DTNA: variants seen among roughly 807,000 people sequenced by gnomAD.
The protein encoded by DTNA is dystrophin-related protein 3.
In DTNA, 43 loss-of-function variants were observed where a neutral mutation model predicts 100.7. That is an observed-to-expected ratio of 0.43 (90% CI 0.33 to 0.55). The LOEUF is 0.55. Among genes scored for constraint, DTNA ranks in the 20% least tolerant of loss-of-function variants. DTNA has a pLI of 0.04. For missense variants in DTNA, 798 were observed against 953.9 expected (o/e 0.84, Z 2.15); for synonymous variants, 349 against 347.9 (o/e 1.00, Z -0.04).
chr18:34,566,157 G>A (rs1185286358), intron 1 of DTNA, among the ~76,000 whole-genome samples: 1 of 152,114 alleles, frequency 6.6e-6, no homozygotes, highest in East Asian at 1.9e-4. Flanking sequence ...AAAGAGTAAA[G>A]CAATGACCAA....
At chr18:34,681,707 C>G (rs984686521) in intron 1 of DTNA, among the ~76,000 whole-genome samples, 4 of 150,720 alleles carry the variant, frequency 2.7e-5, no homozygotes, top group Non-Finnish European at 5.9e-5. Flanking sequence ...CACACACACA[C>G]ACACACACAC....
At chr18:34,705,843 A>G (rs896871181), upstream of DTNA, among the ~76,000 whole-genome samples, 3 of 152,242 alleles carry the variant, frequency 2.0e-5, no homozygotes, top group African/African-American at 7.2e-5. Flanking sequence ...TACGAATGTT[A>G]AAATTTTATG....
At chr18:34,529,523 A>T (rs1458617859) in intron 1 of DTNA, among the ~76,000 whole-genome samples, 1 of 152,104 alleles carries the variant, frequency 6.6e-6, no homozygotes, top group Non-Finnish European at 1.5e-5. Context: ...ACACAAGATG[A>T]ATTACACAAT....
chr18:34,582,918 AATTAGTTCACTATTAG>A (rs2048777453), intron 1 of DTNA, among the ~76,000 whole-genome samples: 1 of 152,162 alleles, frequency 6.6e-6, no homozygotes, highest in Non-Finnish European at 1.5e-5. Context: ...TTGAAAGGGA[AATTAGTTCACTATTAG>A]ATTTTACATT....
At chr18:34,870,814 C>G (rs571533122) in intron 17 of DTNA, among the ~76,000 whole-genome samples, 26 of 152,282 alleles carry the variant, frequency 1.7e-4, no homozygotes, top group African/African-American at 6.0e-4. Flanking sequence ...CTCTTCTCCC[C>G]ACACTTTCTC....
chr18:34,863,573 G>T (rs1000394760), intron 16 of DTNA, among the ~76,000 whole-genome samples: 1 of 152,168 alleles, frequency 6.6e-6, no homozygotes, highest in Non-Finnish European at 1.5e-5. Context: ...TTGCAAAAGG[G>T]TTCTTAGATT....
At chr18:34,868,656 G>A (rs903643351) in intron 17 of DTNA, 3 of 985,028 alleles carry the variant, frequency 3.0e-6, no homozygotes, top group African/African-American at 3.5e-5. Flanking sequence ...TTATTATACT[G>A]GCATATATAA....
intron 1 of DTNA, among the ~76,000 whole-genome samples, chr18:34,601,750 T>C (rs1279902792): frequency 1.3e-5 from 2 of 152,212 alleles, no homozygotes; most frequent in East Asian, 1.9e-4. Context: ...ACCATTTCCA[T>C]GTCTGTGACC....
In DTNA at chr18:34,654,915, C is replaced by T. The variant is rs535047822; in HGVS notation, c.-1-101061C>T. ...CTTATTTTTGTATTTTTCGTAGAGA[C>T]GGGATTTCACCATGTTGGCCAAGCT... On this transcript the variant is annotated intron_variant, in intron 1 of 19. Transcript: ENST00000283365. Among the ~76,000 whole-genome samples the T allele has an allele frequency of 3.7e-4, 56 of 152,140 alleles. 1 individual carries two copies. In the South Asian group the frequency reaches 9.4e-3, roughly 25 times the overall value.
chr18:34,532,768 A>ATGTG lies in DTNA; in HGVS notation c.-2+39255_-2+39256insGTGT, dbSNP rs147592280. 0.024 allele frequency among the ~76,000 whole-genome samples: 1,488 copies of ATGTG among 61,462 alleles called. 58 individuals carry two copies. In the East Asian group the frequency reaches 0.38, roughly 16 times the overall value. The allele number at this position is 61,462 out of a possible 152,430, so 40.3% of individuals were successfully genotyped here. The stretch of plus-strand genomic sequence containing the variant: ...GTATATTTAAAACATATATATATAT[A>ATGTG]TATGTGTGTGTGTGTATGCATAGAA... On this transcript the variant is annotated intron_variant, in intron 1 of 19. Transcript: ENST00000283365.
chr18:34,528,802 C>T (rs187241264), intron 1 of DTNA, among the ~76,000 whole-genome samples: 12 of 152,150 alleles, frequency 7.9e-5, no homozygotes, highest in Admixed American at 7.9e-4. Context: ...TTGACTTGAA[C>T]TTAAACTTAC....
rs534573780 is a variant in DTNA, at chr18:34,688,610, A to G, written c.-1-67366A>G. 1.0e-3 allele frequency among the ~76,000 whole-genome samples: 156 copies of G among 152,102 alleles called. 2 individuals carry two copies. In the South Asian group the frequency reaches 0.02, roughly 20 times the overall value. ...CATTTCAACCTTGGTGGATCTGACA[A>G]TTATGTGTCTTGGGGTTGCTGTTCT... On this transcript the variant is annotated intron_variant, in intron 1 of 19. Coordinates refer to the DTNA transcript ENST00000283365.
chr18:34,855,684 G>C (rs919077588), intron 15 of DTNA, among the ~76,000 whole-genome samples: 2 of 152,200 alleles, frequency 1.3e-5, no homozygotes, highest in African/African-American at 4.8e-5. Flanking sequence ...TCAAAAGGAG[G>C]TCAACCCTGA....
chr18:34,774,143 GAA>G (rs1056784271), intron 3 of DTNA, among the ~76,000 whole-genome samples: 2 of 152,234 alleles, frequency 1.3e-5, no homozygotes, highest in African/African-American at 2.4e-5. Context: ...TGTCAGTTGG[GAA>G]AGAGTGATGC....
At chr18:34,718,041 G>A (rs905333717) in intron 1 of DTNA, among the ~76,000 whole-genome samples, 2 of 152,184 alleles carry the variant, frequency 1.3e-5, no homozygotes, top group African/African-American at 2.4e-5. Flanking sequence ...TTTACAATAA[G>A]TCAGGTAGAG....
At chr18:34,559,776 A>T (rs1363035587) in intron 1 of DTNA, among the ~76,000 whole-genome samples, 4 of 152,176 alleles carry the variant, frequency 2.6e-5, no homozygotes, top group Non-Finnish European at 4.4e-5. Context: ...CAGTCTCAGA[A>T]CTAGACTTCC....
intron 1 of DTNA, among the ~76,000 whole-genome samples, chr18:34,500,985 G>A (rs975171349): frequency 6.6e-6 from 1 of 152,018 alleles, no homozygotes; most frequent in Admixed American, 6.5e-5. Flanking sequence ...TAGAACTTCT[G>A]GTACTATATA....
intron 1 of DTNA, among the ~76,000 whole-genome samples, chr18:34,741,149 A>G (rs1388121289): frequency 6.6e-6 from 1 of 152,204 alleles, no homozygotes; most frequent in Non-Finnish European, 1.5e-5. Flanking sequence ...TAATAAAAGG[A>G]TGTGATATTT....
intron 11 of DTNA, among the ~76,000 whole-genome samples, chr18:34,831,015 T>C (rs892268106): frequency 6.6e-6 from 1 of 152,188 alleles, no homozygotes. Flanking sequence ...CCAAAGGCTC[T>C]TTCTCCCCTT....
Sources: gnomAD v4.1 joint callset for allele counts (sites outside exome capture counted in the v4.1 genomes callset) on GRCh38, gnomAD v4.1.1 for gene constraint, MANE v1.5 for transcripts, NCBI Gene and HGNC (gene_info 2026-07-23, HGNC 2026-07-21) for gene names.